The following MSH3 variants were observed in gnomAD, a reference collection of about 807,000 sequenced individuals.
The protein encoded by MSH3 is mutS homolog 3.
Under a neutral mutation model 123.3 loss-of-function variants are expected in MSH3, and 106 were observed. The ratio of observed to expected loss-of-function variants is 0.86; its 90% confidence interval spans 0.73 to 1.01. The LOEUF (loss-of-function observed/expected upper bound fraction) is 1.01, where lower values mean the gene tolerates loss of function less well. Ranked by LOEUF, MSH3 falls within the 50% of genes least tolerant of loss-of-function variation. The probability of loss-of-function intolerance (pLI) is 0.00; values close to 1 mark genes in which losing one functional copy is unlikely to be tolerated. For missense variants in MSH3, 1,459 were observed against 1,347.6 expected (o/e 1.08, Z -1.29); for synonymous variants, 515 against 481.4 (o/e 1.07, Z -0.91).
At chr5:80,857,018 T>C (rs1219004521) in intron 21 of MSH3, among the ~76,000 whole-genome samples, 1 of 152,220 alleles carries the variant, frequency 6.6e-6, no homozygotes, top group African/African-American at 2.4e-5. Flanking sequence ...CCGTTAAGTA[T>C]GATGTTAGCT....
chr5:80,766,078 T>G (rs1450170517), intron 13 of MSH3, among the ~76,000 whole-genome samples: 1 of 152,118 alleles, frequency 6.6e-6, no homozygotes, highest in Admixed American at 6.5e-5. Context: ...TTTTTAAAAG[T>G]AGCATCTTGT....
At chr5:80,695,604 G>C (rs1750461574) in intron 8 of MSH3, among the ~76,000 whole-genome samples, 1 of 152,166 alleles carries the variant, frequency 6.6e-6, no homozygotes, top group African/African-American at 2.4e-5. Context: ...AAAGTGCTGG[G>C]ATTACAGGTG....
At chr5:80,824,315 C>G (rs889384091) in intron 20 of MSH3, among the ~76,000 whole-genome samples, 1 of 151,808 alleles carries the variant, frequency 6.6e-6, no homozygotes, top group Admixed American at 6.6e-5. Context: ...GGCGGCTGGG[C>G]GGAGGCGCCC....
At chr5:80,729,430 A>AAATGTGTGTGTGTGTG (rs1491210653) in intron 10 of MSH3, among the ~76,000 whole-genome samples, 1 of 78,372 alleles carries the variant, frequency 1.3e-5, no homozygotes, top group African/African-American at 5.6e-5. Flanking sequence ...AAAAAAAAAA[A>AAATGTGTGTGTGTGTG]TGTGTGTGTG....
intron 21 of MSH3, among the ~76,000 whole-genome samples, chr5:80,862,633 A>T (rs1746032930): frequency 1.3e-5 from 2 of 151,942 alleles, no homozygotes; most frequent in Admixed American, 6.6e-5. Flanking sequence ...AGTGGTGCAC[A>T]CCTGTAGTCC....
At chr5:80,746,006 T>C (rs183401788) in intron 12 of MSH3, among the ~76,000 whole-genome samples, 1 of 152,248 alleles carries the variant, frequency 6.6e-6, no homozygotes, top group East Asian at 1.9e-4. Context: ...ATGCCAACTT[T>C]AAAAGGTCAC....
intron 23 of MSH3, 150 bp downstream of exon 23, chr5:80,873,437 C>G (rs1187677464): frequency 1.3e-6 from 1 of 790,198 alleles, no homozygotes; most frequent in Non-Finnish European, 2.0e-6. Flanking sequence ...GAAGTGAAAA[C>G]AGCTCTTGCA....
At chr5:80,757,399 C>T (rs1260981889) in intron 12 of MSH3, among the ~76,000 whole-genome samples, 1 of 152,114 alleles carries the variant, frequency 6.6e-6, no homozygotes, top group Non-Finnish European at 1.5e-5. Flanking sequence ...CCAGTAGGTA[C>T]TGACTCCATC....
chr5:80,732,687 G>A (rs1743433351), intron 10 of MSH3, among the ~76,000 whole-genome samples: 2 of 152,092 alleles, frequency 1.3e-5, no homozygotes, highest in Admixed American at 6.6e-5. Context: ...AAAAACGATT[G>A]TACTCCATGA....
intron 8 of MSH3, among the ~76,000 whole-genome samples, chr5:80,683,810 A>T (rs1170132840): frequency 6.6e-6 from 1 of 152,174 alleles, no homozygotes; most frequent in Non-Finnish European, 1.5e-5. Context: ...TAGTCATTTC[A>T]TAGTGTGACA....
chr5:80,770,208 A>G (rs535375259), intron 15 of MSH3, among the ~76,000 whole-genome samples: 2 of 152,278 alleles, frequency 1.3e-5, no homozygotes, highest in African/African-American at 4.8e-5. Context: ...CAGATGATCA[A>G]CACTGCTTTA....
intron 20 of MSH3, 142 bp downstream of exon 20, chr5:80,813,883 G>A (rs948866776): frequency 2.6e-5 from 24 of 929,962 alleles, no homozygotes; most frequent in South Asian, 1.3e-4. Flanking sequence ...TTTCAAGGCC[G>A]GGCACGGTGG....
chr5:80,734,873 T>G (rs1743476050), intron 10 of MSH3, among the ~76,000 whole-genome samples: 1 of 152,186 alleles, frequency 6.6e-6, no homozygotes, highest in Admixed American at 6.5e-5. Flanking sequence ...TTGTTTTTCC[T>G]CTCTCAGGGT....
chr5:80,793,053 A>G (rs1744636699), intron 19 of MSH3, among the ~76,000 whole-genome samples: 2 of 152,252 alleles, frequency 1.3e-5, no homozygotes, highest in Admixed American at 1.3e-4. Flanking sequence ...CTAAAAGTTT[A>G]GTTCTAATTA....
chr5:80,845,574 A>G (rs1177947934), intron 20 of MSH3, among the ~76,000 whole-genome samples: 1 of 152,176 alleles, frequency 6.6e-6, no homozygotes, highest in African/African-American at 2.4e-5. Context: ...ACATAGTCCC[A>G]TATTTCATGG....
intron 8 of MSH3, among the ~76,000 whole-genome samples, chr5:80,689,114 C>G (rs1422867353): frequency 6.6e-6 from 1 of 152,048 alleles, no homozygotes; most frequent in African/African-American, 2.4e-5. Context: ...TTGGGAACAT[C>G]GAGTTGACTG....
intron 7 of MSH3, among the ~76,000 whole-genome samples, chr5:80,676,674 G>A (rs776428717): frequency 5.3e-5 from 8 of 152,040 alleles, no homozygotes; most frequent in Non-Finnish European, 1.0e-4. Flanking sequence ...CATTCCTGTT[G>A]GTGTTAGACA....
chr5:80,688,927 A>G (rs1750163873), intron 8 of MSH3, among the ~76,000 whole-genome samples: 1 of 152,184 alleles, frequency 6.6e-6, no homozygotes, highest in African/African-American at 2.4e-5. Flanking sequence ...GTGGGTTCAT[A>G]TGAAGTCATT....
chr5:80,741,905 C>T (rs918372734), intron 11 of MSH3, among the ~76,000 whole-genome samples: 8 of 145,342 alleles, frequency 5.5e-5, no homozygotes, highest in Non-Finnish European at 9.0e-5. Flanking sequence ...TTAGCTTTTT[C>T]TTGAAATGTT....
Sources: gnomAD v4.1 joint callset for allele counts (sites outside exome capture counted in the v4.1 genomes callset) on GRCh38, gnomAD v4.1.1 for gene constraint, MANE v1.5 for transcripts, NCBI Gene and HGNC (gene_info 2026-07-23, HGNC 2026-07-21) for gene names.